The following SS18L2 variants were observed in gnomAD, a reference collection of about 807,000 sequenced individuals.
SS18L2 encodes SS18-like protein 2.
SS18L2 carries 8 observed loss-of-function variants against 10.3 expected under a neutral mutation model. The observed-to-expected ratio is 0.78, with a 90% CI of 0.46 to 1.41. SS18L2 has a LOEUF of 1.41. Ranked by LOEUF, SS18L2 falls within the 40% of genes most tolerant of loss-of-function variation. The pLI is 0.00. For synonymous variants in SS18L2, 41 were observed against 34.6 expected (o/e 1.19, Z -0.65); for missense variants, 100 against 96.2 (o/e 1.04, Z -0.17).
chr3:42,589,436 C>G (rs1276845415), upstream of SS18L2, among the ~76,000 whole-genome samples: 1 of 152,100 alleles, frequency 6.6e-6, no homozygotes, highest in Non-Finnish European at 1.5e-5. Context: ...TGTAGGTTCC[C>G]AAGATCTCCC....
chr3:42,584,235 G>A (rs2125734495), intron 1 of SS18L2, among the ~76,000 whole-genome samples: 1 of 152,290 alleles, frequency 6.6e-6, no homozygotes, highest in Non-Finnish European at 1.5e-5. Context: ...CAGGTTGCAG[G>A]TCAATGTAGA....
In SS18L2 at chr3:42,591,582, C is replaced by T. The variant is rs1249340754; in HGVS notation, c.127C>T (p.Arg43Cys). The T allele has an allele frequency of 2.5e-6, 4 of 1,613,704 alleles. No homozygotes were observed. Among genetic ancestry groups the T allele is most frequent in the East Asian group, 2.2e-5 (1 of 44,868 alleles). ...TATTGTGGAGTATCAGAACAAGGGC[C>T]GCGGGAACGAGTGCGTGCAGTAAGT... ...RCIVEYQNKG[R>C]GNECVQYQHV... The change falls in exon 2 of 3, where the codon CGC becomes TGC. Residue 43 changes from arginine to cysteine, a missense_variant. Transcript: ENST00000011691.
At chr3:42,585,703 A>C (rs2125735737) in intron 1 of SS18L2, among the ~76,000 whole-genome samples, 1 of 152,354 alleles carries the variant, frequency 6.6e-6, no homozygotes. Context: ...CCCATCTGGC[A>C]GCACTACAAT....
rs539975642 is a variant in SS18L2 at position 42,596,039 on chromosome 3, G to GT, written c.*1539dup. Among the ~76,000 whole-genome samples the GT allele has an allele frequency of 0.016, 2,369 of 149,478 alleles. 22 individuals are homozygous for GT. Among genetic ancestry groups the GT allele is most frequent in the African/African-American group, 0.021 (842 of 40,748 alleles). On this transcript the variant is annotated 3_prime_UTR_variant, in exon 3 of 3. Coordinates refer to ENST00000011691, the MANE Select transcript of SS18L2 (RefSeq NM_001370300.1). ...TTTGTTTTGTTTTGTTTTTGTTTTT[G>GT]TTTTTTTTTGAGACGGAATCTCGCT...
rs1409387198 is a variant in SS18L2 at position 42,596,882 on chromosome 3, T to G, written c.*2373T>G. On this transcript the variant is annotated 3_prime_UTR_variant, in exon 3 of 3. Transcript: ENST00000011691. ...TCAAGATAAGAATGAATTCTAGGTT[T>G]AAAGTTGTTTAAGTATATCCCAAAT... 6.6e-6 allele frequency among the ~76,000 whole-genome samples: 1 copy of G among 152,224 alleles called. No homozygotes were observed. The highest frequency in any genetic ancestry group is 1.5e-5 in the Non-Finnish European group (1 of 68,030).
At chr3:42,591,781 CG>C (rs1704857202) in intron 2 of SS18L2, among the ~76,000 whole-genome samples, 180 bp downstream of exon 2, 1 of 152,190 alleles carries the variant, frequency 6.6e-6, no homozygotes, top group Non-Finnish European at 1.5e-5. Context: ...GAGTACACTG[CG>C]GAGCCTGGAG....
Position 42,596,258 on chromosome 3 carries a change from G to A in SS18L2, c.*1749G>A, listed in dbSNP as rs1705026921. Among the ~76,000 whole-genome samples the A allele has an allele frequency of 6.6e-6, 1 of 152,186 alleles. No individual in the cohort carries two copies. Among genetic ancestry groups the A allele is most frequent in the Admixed American group, 6.5e-5 (1 of 15,280 alleles). Reference sequence around the variant, plus strand: ...GCTGGTCTCGTACTCACGACCTCAGGTGATCCACCTGCCTCAGCCTCCTAG... The same window carrying A: ...GCTGGTCTCGTACTCACGACCTCAGATGATCCACCTGCCTCAGCCTCCTAG... On this transcript the variant is annotated 3_prime_UTR_variant, in exon 3 of 3. Coordinates refer to ENST00000011691, the MANE Select transcript of SS18L2 (RefSeq NM_001370300.1).
upstream of SS18L2, among the ~76,000 whole-genome samples, chr3:42,589,387 CAG>C (rs893280114): frequency 2.0e-5 from 3 of 152,210 alleles, no homozygotes; most frequent in Non-Finnish European, 4.4e-5. Flanking sequence ...GGCCACCACT[CAG>C]GGGAATAAAG....
chr3:42,594,987 C>A lies in SS18L2; in HGVS notation c.*478C>A, dbSNP rs1272303400. 2 of 152,686 alleles carry A rather than the reference C, an allele frequency of 1.3e-5. No homozygotes were observed. The highest frequency in any genetic ancestry group is 4.8e-5 in the African/African-American group (2 of 41,430). 9.5% of individuals were successfully genotyped at this position (152,686 alleles called of 1,614,324 possible). On this transcript the variant is annotated 3_prime_UTR_variant, in exon 3 of 3. Transcript: ENST00000011691. ...TTGCTTTGAAATAAAGCTTATTTTT[C>A]TATAAAATACTGATGTGGAGGTATA...
At chr3:42,582,457 C>G (rs76354464) in intron 1 of SS18L2, 2 of 152,372 alleles carry the variant, frequency 1.3e-5, no homozygotes, top group Non-Finnish European at 2.9e-5. Flanking sequence ...GGACACACCC[C>G]AAGCTGGGGA....
Position 42,590,931 on chromosome 3 carries a change from G to A in SS18L2, c.34G>A (p.Gly12Ser). 3.1e-6 allele frequency: 5 copies of A among 1,590,178 alleles called. No individual in the cohort carries two copies. The highest frequency in any genetic ancestry group is 4.3e-6 in the Non-Finnish European group (5 of 1,166,226). The change falls in exon 1 of 3, where the codon GGC becomes AGC. Residue 12 changes from glycine to serine, a missense_variant. By Grantham distance (56) the Gly-to-Ser change is moderately conservative. Transcript: ENST00000011691. ...SVAFVPDWLRGKAEVNQETIQ... is the reference protein window; with the variant it reads ...SVAFVPDWLRSKAEVNQETIQ... ...GGCCTTCGTACCGGACTGGCTGAGG[G>A]GCAAGGCGGAAGTCAATCAAGAGAC...
chr3:42,590,710 C>G, upstream of SS18L2: 1 of 660,760 alleles, frequency 1.5e-6, no homozygotes, highest in Non-Finnish European at 2.7e-6. Context: ...GATACGAAAA[C>G]GCCCCCGGCG....
Position 42,596,356 on chromosome 3 carries a change from G to C in SS18L2, c.*1847G>C. 6.6e-6 allele frequency among the ~76,000 whole-genome samples: 1 copy of C among 152,130 alleles called. No individual in the cohort carries two copies. The highest frequency in any genetic ancestry group is 1.9e-4 in the East Asian group (1 of 5,192). The stretch of plus-strand genomic sequence containing the variant: ...TGTTTTCTAGAAAATTATTTTGTCT[G>C]TTTCCCCACTAGCATTCCTGATGGT... On this transcript the variant is annotated 3_prime_UTR_variant, in exon 3 of 3. Transcript: ENST00000011691.
Position 42,591,407 on chromosome 3 carries a change from C to T in SS18L2, c.70-118C>T. ...ATGGGGTTTCCCCATGTTGGCCAGG[C>T]TAGTCTCGAACTCCTGACCTCGTGA... On this transcript the variant is annotated intron_variant, in intron 1 of 2. Transcript: ENST00000011691. 4.0e-6 allele frequency: 3 copies of T among 742,046 alleles called. No homozygotes were observed. The South Asian group carries it at 4.5e-5, about 11-fold the overall frequency. The allele number at this position is 742,046 out of a possible 1,614,324, so 46.0% of individuals were successfully genotyped here.
At chr3:42,591,254 C>T (rs1227522012) in intron 1 of SS18L2, 1 of 566,892 alleles carries the variant, frequency 1.8e-6, no homozygotes, top group Non-Finnish European at 3.1e-6. Context: ...GGCTGGAGTG[C>T]AGTGGTGCAT....
chr3:42,590,410 C>G (rs190404530), upstream of SS18L2, among the ~76,000 whole-genome samples: 1 of 151,992 alleles, frequency 6.6e-6, no homozygotes, highest in Non-Finnish European at 1.5e-5. Flanking sequence ...GCGGGCGGAT[C>G]ACGAGGTCAG....
chr3:42,583,226 T>C (rs1354759880), intron 1 of SS18L2, among the ~76,000 whole-genome samples: 4 of 152,198 alleles, frequency 2.6e-5, no homozygotes, highest in African/African-American at 9.7e-5. Context: ...AACAGAGCTA[T>C]GGTGGGACTG....
chr3:42,583,320 A>C (rs1299014056), intron 1 of SS18L2, among the ~76,000 whole-genome samples: 1 of 152,188 alleles, frequency 6.6e-6, no homozygotes, highest in Non-Finnish European at 1.5e-5. Flanking sequence ...AAAGAGATCT[A>C]AGAAGGCTGC....
chr3:42,596,149 G>A lies in SS18L2; in HGVS notation c.*1640G>A, dbSNP rs147918180. The stretch of plus-strand genomic sequence containing the variant: ...TGATTCTCCTGCCTCAGCCTCCCAA[G>A]TAGCTGGGATTACAGGCATGTGGCA... On this transcript the variant is annotated 3_prime_UTR_variant, in exon 3 of 3. Transcript: ENST00000011691. 2.8e-3 allele frequency among the ~76,000 whole-genome samples: 426 copies of A among 152,072 alleles called. 2 individuals carry two copies. Among genetic ancestry groups the A allele is most frequent in the African/African-American group, 9.7e-3 (403 of 41,474 alleles).
Sources: gnomAD v4.1 joint callset for allele counts (sites outside exome capture counted in the v4.1 genomes callset) on GRCh38, gnomAD v4.1.1 for gene constraint, MANE v1.5 for transcripts, NCBI Gene and HGNC (gene_info 2026-07-23, HGNC 2026-07-21) for gene names.